The following VPS13A variants were observed in gnomAD, a reference collection of about 807,000 sequenced individuals.
VPS13A encodes vacuolar protein sorting 13 homolog A.
In VPS13A, 264 loss-of-function variants were observed where a neutral mutation model predicts 390.9. That is an observed-to-expected ratio of 0.68 (90% CI 0.61 to 0.75). The LOEUF is 0.75. VPS13A is among the 30% of genes least tolerant of loss of function. The probability of loss-of-function intolerance (pLI) is 0.00; values close to 1 mark genes in which losing one functional copy is unlikely to be tolerated. For missense variants in VPS13A, 3,409 were observed against 3,733.9 expected (o/e 0.91, Z 2.27); for synonymous variants, 1,231 against 1,227.1 (o/e 1.00, Z -0.07).
intron 68 of VPS13A, 166 bp downstream of exon 68, chr9:77,382,253 A>C: frequency 6.8e-7 from 1 of 1,471,286 alleles, no homozygotes; most frequent in Non-Finnish European, 9.0e-7. Context: ...TTTATTTACT[A>C]TAAGATTTTT....
intron 71 of VPS13A, among the ~76,000 whole-genome samples, chr9:77,411,654 C>G (rs1245586303): frequency 2.0e-5 from 1 of 50,038 alleles, no homozygotes; most frequent in Non-Finnish European, 3.3e-5. Flanking sequence ...CAGCAAAACT[C>G]CATCTCAAAA....
chr9:77,199,793 G>A, intron 1 of VPS13A, 152 bp from the exon 2 acceptor site: 1 of 590,226 alleles, frequency 1.7e-6, no homozygotes, highest in Non-Finnish European at 2.9e-6. Context: ...GAAGAATGAA[G>A]GTGAGATAAT....
intron 59 of VPS13A, among the ~76,000 whole-genome samples, 150 bp from the exon 60 acceptor site, chr9:77,365,306 TATAG>T (rs765564371): frequency 7.2e-5 from 11 of 152,200 alleles, no homozygotes; most frequent in South Asian, 2.1e-4. Flanking sequence ...AGAACTGTCC[TATAG>T]ATAGAGATGT....
intron 41 of VPS13A, among the ~76,000 whole-genome samples, chr9:77,319,233 A>G (rs995301316): frequency 3.3e-5 from 5 of 151,116 alleles, no homozygotes; most frequent in African/African-American, 1.2e-4. Context: ...TTAAAGTTGA[A>G]TACCCTTTTT....
chr9:77,209,413 G>C lies in VPS13A; in HGVS notation c.386-10G>C. ...ATTCAATTTTAAAAAAGGAATATTT[G>C]CAATTGTAGAACAACATCTGCCGGA... On this transcript the variant is annotated splice_polypyrimidine_tract_variant and intron_variant, in intron 5 of 71. Coordinates refer to ENST00000360280, the MANE Select transcript of VPS13A (RefSeq NM_033305.3). The C allele has an allele frequency of 6.3e-7, 1 of 1,576,190 alleles. No homozygotes were observed. Among genetic ancestry groups the C allele is most frequent in the Non-Finnish European group, 8.7e-7 (1 of 1,146,862 alleles).
At chr9:77,187,350 C>T (rs985230931) in intron 1 of VPS13A, among the ~76,000 whole-genome samples, 1 of 152,298 alleles carries the variant, frequency 6.6e-6, no homozygotes, top group East Asian at 1.9e-4. Context: ...TTCCTACCAA[C>T]AGTGTACAAA....
At chr9:77,359,538 T>G in intron 58 of VPS13A, 136 bp downstream of exon 58, 1 of 890,168 alleles carries the variant, frequency 1.1e-6, no homozygotes. Flanking sequence ...AATAAAAAAA[T>G]ATAATGTTGT....
At position 77,343,653 on chromosome 9, in the gene VPS13A, A is replaced by G. The variant is rs1056975170; in HGVS notation, c.7027-500A>G. Reference sequence around the variant, plus strand: ...TCGTACAATTCTGAGCTTCTTTCCTACTCTGAACTTTGAATACTACTTTTA... The same window carrying G: ...TCGTACAATTCTGAGCTTCTTTCCTGCTCTGAACTTTGAATACTACTTTTA... On this transcript the variant is annotated intron_variant, in intron 50 of 71. Coordinates refer to ENST00000360280, the MANE Select transcript of VPS13A (RefSeq NM_033305.3). Among the ~76,000 whole-genome samples, 18 of 152,010 alleles carry G rather than the reference A, an allele frequency of 1.2e-4. No individual in the cohort carries two copies. The East Asian group carries it at 3.3e-3, about 28-fold the overall frequency.
intron 10 of VPS13A, among the ~76,000 whole-genome samples, chr9:77,216,654 G>A (rs1347546133): frequency 6.6e-6 from 1 of 152,148 alleles, no homozygotes; most frequent in Non-Finnish European, 1.5e-5. Flanking sequence ...TCTGAGGTAT[G>A]TTAGGGTTCT....
chr9:77,219,803 T>C, intron 10 of VPS13A, 151 bp from the exon 11 acceptor site: 1 of 738,552 alleles, frequency 1.4e-6, no homozygotes. Context: ...CACACATGGT[T>C]CATCTGACTG....
chr9:77,291,527 C>T (rs969336771), intron 31 of VPS13A, among the ~76,000 whole-genome samples: 1 of 152,136 alleles, frequency 6.6e-6, no homozygotes, highest in Admixed American at 6.5e-5. Flanking sequence ...ATTTCCTTCA[C>T]TACATTACTG....
intron 40 of VPS13A, 25 bp downstream of exon 40, chr9:77,317,723 ATATT>A (rs1829484212): frequency 6.5e-7 from 1 of 1,526,866 alleles, no homozygotes; most frequent in Admixed American, 1.8e-5. Context: ...AATCATTTGA[ATATT>A]TAGTGCACTT....
At position 77,348,330 on chromosome 9, in the gene VPS13A, A is replaced by G. The variant is rs893181554; in HGVS notation, c.7290-2987A>G. Among the ~76,000 whole-genome samples, 4 of 152,186 alleles carry G rather than the reference A, an allele frequency of 2.6e-5. No individual in the cohort carries two copies. In the South Asian group the frequency reaches 6.2e-4, roughly 24 times the overall value. On this transcript the variant is annotated intron_variant, in intron 52 of 71. Transcript: ENST00000360280. ...AGATCATTCCTTTGCAAGGACATGG[A>G]TGGAGCTAGAAGCTATTATCCTCAG... is the stretch of plus-strand genomic sequence containing the variant.
chr9:77,339,420 A>C, intron 47 of VPS13A, 96 bp from the exon 48 acceptor site: 1 of 1,249,308 alleles, frequency 8.0e-7, no homozygotes, highest in African/African-American at 1.5e-5. Flanking sequence ...TTTCAAAAGC[A>C]TTTTTTGCAG....
intron 22 of VPS13A, among the ~76,000 whole-genome samples, chr9:77,255,318 C>G (rs1287861866): frequency 1.3e-5 from 2 of 151,922 alleles, no homozygotes; most frequent in Admixed American, 6.6e-5. Flanking sequence ...ACCTTAATTG[C>G]TCTCTATATA....
At chr9:77,206,450 T>G (rs1281861553) in intron 5 of VPS13A, among the ~76,000 whole-genome samples, 2 of 152,076 alleles carry the variant, frequency 1.3e-5, no homozygotes, top group African/African-American at 4.8e-5. Flanking sequence ...TTGTATTCCT[T>G]TTATATCAAT....
In VPS13A at chr9:77,321,275, T is replaced by G; in HGVS notation, c.5522T>G (p.Leu1841Ter). ...ATCAGTTTCCATTCAAAAGACCAAT[T>G]AAACATTACATTATCCAAATGTGGT... ...TVISFHSKDQ[L>*]NITLSKCGLV... The change falls in exon 43 of 72, where the codon TTA (leucine) becomes TGA (stop). Residue 1841 changes from leucine (L) to a stop codon, truncating the protein, a stop_gained. Coordinates refer to ENST00000360280, the MANE Select transcript of VPS13A (RefSeq NM_033305.3). LOFTEE classifies it high-confidence loss of function. The G allele has an allele frequency of 6.2e-7, 1 of 1,610,572 alleles. No homozygotes were observed. Among genetic ancestry groups the G allele is most frequent in the African/African-American group, 1.3e-5 (1 of 74,958 alleles).
chr9:77,319,513 A>G, intron 41 of VPS13A, 59 bp from the exon 42 acceptor site: 1 of 1,213,774 alleles, frequency 8.2e-7, no homozygotes, highest in Non-Finnish European at 1.2e-6. Flanking sequence ...ACAGGGCTAA[A>G]AAACATGGTG....
At position 77,318,139 on chromosome 9, in the gene VPS13A, T is replaced by C. The variant is rs117971647; in HGVS notation, c.4957-96T>C. On this transcript the variant is annotated intron_variant, in intron 40 of 71. Coordinates refer to ENST00000360280, the MANE Select transcript of VPS13A (RefSeq NM_033305.3). Reference sequence around the variant, plus strand: ...TTCTATTTTGTGGTAGTAATGTTAATTCAGTATTTAATTTCTCATAATATA... The same window carrying C: ...TTCTATTTTGTGGTAGTAATGTTAACTCAGTATTTAATTTCTCATAATATA... 1.6e-3 allele frequency: 1,082 copies of C among 673,652 alleles called. 23 individuals are homozygous for C. In the East Asian group the frequency reaches 0.031, roughly 20 times the overall value. 41.7% of individuals were successfully genotyped at this position (673,652 alleles called of 1,614,324 possible).
Sources: allele counts gnomAD v4.1 joint callset (sites outside exome capture counted in the v4.1 genomes callset), GRCh38; gene constraint gnomAD v4.1.1; transcripts MANE v1.5; gene names NCBI Gene and HGNC (gene_info 2026-07-23, HGNC 2026-07-21).